CTNNA2: variants seen among roughly 807,000 people sequenced by gnomAD.
CTNNA2 encodes the protein catenin alpha-2.
In CTNNA2, 42 loss-of-function variants were observed where a neutral mutation model predicts 101.0. The ratio of observed to expected loss-of-function variants is 0.42; its 90% CI spans 0.32 to 0.54. CTNNA2 has a LOEUF of 0.54. Ranked by LOEUF, CTNNA2 falls within the 20% of genes least tolerant of loss-of-function variation. CTNNA2 has a pLI of 0.14. For missense variants in CTNNA2, 871 were observed against 1,223.1 expected (o/e 0.71, Z 4.29); for synonymous variants, 450 against 456.4 (o/e 0.99, Z 0.18).
At chr2:79,295,393 C>T (rs1411004867) in intron 2 of CTNNA2, among the ~76,000 whole-genome samples, 1 of 152,130 alleles carries the variant, frequency 6.6e-6, no homozygotes, top group East Asian at 1.9e-4. Context: ...AATGCAAGCT[C>T]TAGGCCAGAA....
At chr2:80,474,486 G>T (rs1444385583) in intron 9 of CTNNA2, among the ~76,000 whole-genome samples, 3 of 152,152 alleles carry the variant, frequency 2.0e-5, no homozygotes, top group South Asian at 4.1e-4. Context: ...GAATTGGGCA[G>T]TTCCTGGTTT....
At chr2:79,710,203 T>TA (rs969723062) in intron 2 of CTNNA2, among the ~76,000 whole-genome samples, 64 of 147,378 alleles carry the variant, frequency 4.3e-4, no homozygotes, top group East Asian at 1.6e-3. Flanking sequence ...AAACCATTAT[T>TA]AAAAAAAAAA....
chr2:80,124,172 TG>T (rs1701996127), intron 7 of CTNNA2, among the ~76,000 whole-genome samples: 1 of 152,166 alleles, frequency 6.6e-6, no homozygotes, highest in Non-Finnish European at 1.5e-5. Flanking sequence ...AGCGAAGTCT[TG>T]GTGGCATGTC....
At chr2:80,562,112 C>T (rs987647198) in intron 12 of CTNNA2, among the ~76,000 whole-genome samples, 2 of 135,232 alleles carry the variant, frequency 1.5e-5, no homozygotes, top group African/African-American at 5.0e-5. Flanking sequence ...ATAAATCTCT[C>T]TCCAGGTTAT....
intron 7 of CTNNA2, chr2:80,378,874 G>A (rs1676239373): frequency 2.0e-5 from 3 of 152,260 alleles, no homozygotes; most frequent in Admixed American, 1.3e-4. Context: ...CCCGACATCA[G>A]AAAGCACTGA....
chr2:79,426,442 T>C (rs1228692284), intron 4 of CTNNA2, among the ~76,000 whole-genome samples: 1 of 152,138 alleles, frequency 6.6e-6, no homozygotes, highest in Non-Finnish European at 1.5e-5. Flanking sequence ...TCTGATTTTT[T>C]CAAAAATTCT....
chr2:79,394,470 CA>C (rs1207541602), intron 4 of CTNNA2, among the ~76,000 whole-genome samples: 1 of 152,142 alleles, frequency 6.6e-6, no homozygotes, highest in Non-Finnish European at 1.5e-5. Context: ...ACCTAACAAT[CA>C]AAAATACATT....
intron 1 of CTNNA2, among the ~76,000 whole-genome samples, chr2:79,579,119 TTCTTTCCTTG>T (rs1228081910): frequency 6.6e-6 from 1 of 151,714 alleles, no homozygotes; most frequent in East Asian, 1.9e-4. Flanking sequence ...TTTTCCTTTT[TTCTTTCCTTG>T]TCTTTCCTTC....
chr2:79,393,916 G>A (rs1481236744), intron 4 of CTNNA2, among the ~76,000 whole-genome samples: 1 of 152,086 alleles, frequency 6.6e-6, no homozygotes, highest in African/African-American at 2.4e-5. Context: ...CCCTGCTCAG[G>A]GTCATTTAGC....
rs574033237 is a variant in CTNNA2, at chr2:79,944,689, A to G, written c.1056+34892A>G. On this transcript the variant is annotated intron_variant, in intron 7 of 18. Transcript: ENST00000402739. Reference sequence around the variant, plus strand: ...ATGAGTACATCTTTGAAATATACCAACATCTAAGCACATGAGGAGAATCCT... The same window carrying G: ...ATGAGTACATCTTTGAAATATACCAGCATCTAAGCACATGAGGAGAATCCT... 1.3e-5 allele frequency among the ~76,000 whole-genome samples: 2 copies of G among 152,328 alleles called. 1 individual carries two copies. Among genetic ancestry groups the G allele is most frequent in the African/African-American group, 4.8e-5 (2 of 41,564 alleles).
chr2:80,488,146 T>C (rs1686745682), intron 9 of CTNNA2, among the ~76,000 whole-genome samples: 1 of 152,194 alleles, frequency 6.6e-6, no homozygotes, highest in Non-Finnish European at 1.5e-5. Flanking sequence ...GATGAGTGAA[T>C]TAGTTTTTGG....
intron 1 of CTNNA2, among the ~76,000 whole-genome samples, chr2:79,520,652 A>G (rs1204751864): frequency 1.3e-5 from 2 of 152,212 alleles, no homozygotes; most frequent in African/African-American, 2.4e-5. Context: ...AAGACAGGCA[A>G]TCCATCTAAA....
intron 9 of CTNNA2, among the ~76,000 whole-genome samples, chr2:80,488,066 A>G (rs908612074): frequency 2.6e-5 from 4 of 152,212 alleles, no homozygotes; most frequent in African/African-American, 7.2e-5. Flanking sequence ...GGCTAAAGCA[A>G]GTATTTGGAA....
chr2:79,192,776 A>G (rs1018980042), intron 1 of CTNNA2, among the ~76,000 whole-genome samples: 1 of 152,174 alleles, frequency 6.6e-6, no homozygotes, highest in Admixed American at 6.6e-5. Flanking sequence ...CCCCTTGAAT[A>G]AAGTAGGTGA....
At chr2:80,611,398 G>C (rs1698459109) in intron 17 of CTNNA2, among the ~76,000 whole-genome samples, 1 of 151,516 alleles carries the variant, frequency 6.6e-6, no homozygotes, top group Admixed American at 6.6e-5. Flanking sequence ...AACATGTCTT[G>C]AATTAGTTTA....
At position 79,218,006 on chromosome 2, in the gene CTNNA2, T is replaced by G. The variant is rs182557697; in HGVS notation, c.-406+19930T>G. 3.3e-5 allele frequency among the ~76,000 whole-genome samples: 5 copies of G among 152,302 alleles called. No homozygotes were observed. The East Asian group carries it at 9.7e-4, about 29-fold the overall frequency. The stretch of plus-strand genomic sequence containing the variant: ...TTGAATGAACATCTACATAATAAAA[T>G]AAAAACCTATTTCTTCCATGATTCA... On this transcript the variant is annotated intron_variant, in intron 2 of 21. Transcript: ENST00000466387.
intron 7 of CTNNA2, among the ~76,000 whole-genome samples, chr2:80,279,090 C>CAG (rs962361416): frequency 1.0e-3 from 61 of 60,318 alleles, no homozygotes; most frequent in Non-Finnish European, 1.5e-3. Flanking sequence ...GTGTGTGAAA[C>CAG]AGAGAGAGAG....
intron 3 of CTNNA2, among the ~76,000 whole-genome samples, chr2:79,848,577 T>C (rs1000922492): frequency 6.6e-6 from 1 of 152,184 alleles, no homozygotes; most frequent in Non-Finnish European, 1.5e-5. Flanking sequence ...GCTGAAATAA[T>C]TAAAATCCAT....
At chr2:79,837,462 G>GATCAATACTTTGT (rs1376285099) in intron 3 of CTNNA2, among the ~76,000 whole-genome samples, 2 of 152,056 alleles carry the variant, frequency 1.3e-5, no homozygotes, top group Non-Finnish European at 2.9e-5. Flanking sequence ...ACACACCTAG[G>GATCAATACTTTGT]ATCAATACTT....
Sources: allele counts gnomAD v4.1 joint callset (sites outside exome capture counted in the v4.1 genomes callset), GRCh38; gene constraint gnomAD v4.1.1; transcripts MANE v1.5; gene names NCBI Gene and HGNC (gene_info 2026-07-23, HGNC 2026-07-21).